Variants in ETNK2 observed in about 807,000 individuals in gnomAD.
ETNK2 encodes ethanolamine kinase 2.
Under a neutral mutation model 46.2 loss-of-function variants are expected in ETNK2, and 33 were observed. That is an observed-to-expected ratio of 0.71 (90% CI 0.54 to 0.96). The LOEUF is 0.96. Ranked by LOEUF, ETNK2 falls within the 40% of genes least tolerant of loss-of-function variation. The pLI, the probability that ETNK2 is intolerant of heterozygous loss-of-function variation, is 0.00. For missense variants in ETNK2, 445 were observed against 509.7 expected (o/e 0.87, Z 1.22); for synonymous variants, 194 against 209.0 (o/e 0.93, Z 0.62).
At chr1:204,135,655 C>T (rs1051361717) in intron 6 of ETNK2, among the ~76,000 whole-genome samples, 3 of 152,144 alleles carry the variant, frequency 2.0e-5, no homozygotes, top group African/African-American at 4.8e-5. Context: ...TAAGCTAGCA[C>T]ATGTGAATGA....
At position 204,146,730 on chromosome 1, in the gene ETNK2, T is replaced by C. The variant is rs1364081724; in HGVS notation, c.553A>G (p.Ile185Val). Reference sequence around the variant, plus strand: ...TTGGGCAGGCTGCCGTTGGCGTGGATAGTATGAATCTTTGCCATTTCTAAG... The same window carrying C: ...TTGGGCAGGCTGCCGTTGGCGTGGACAGTATGAATCTTTGCCATTTCTAAG... ...IALEMAKIHTIHANGSLPKPI... is the reference protein window; with the variant it reads ...IALEMAKIHTVHANGSLPKPI... The change falls in exon 3 of 8, where the codon ATC becomes GTC. Residue 185 changes from isoleucine (I) to valine (V), a missense_variant. By Grantham distance (29) the Ile-to-Val change is conservative (BLOSUM62 3). Coordinates refer to ENST00000367202, the MANE Select transcript of ETNK2 (RefSeq NM_018208.4). 6.2e-7 allele frequency: 1 copy of C among 1,614,018 alleles called. No individual in the cohort carries two copies. Among genetic ancestry groups the C allele is most frequent in the Admixed American group, 1.7e-5 (1 of 60,030 alleles).
chr1:204,147,350 G>A (rs1657828953), intron 2 of ETNK2: 2 of 481,896 alleles, frequency 4.2e-6, no homozygotes, highest in Non-Finnish European at 8.5e-6. Context: ...CGCAAAACAA[G>A]CCAGCGTTCT....
chr1:204,137,180 A>T lies in ETNK2; in HGVS notation c.938T>A (p.Leu313Gln). The change falls in exon 6 of 8, where the codon CTG becomes CAG. Residue 313 changes from leucine to glutamine, a missense_variant. Coordinates refer to ENST00000367202, the MANE Select transcript of ETNK2 (RefSeq NM_018208.4). ...CACGGCCATCCCCTTTTGTGCCTGC[A>T]GGTAGTAGTGCAGCCACTGCAGCTG... ...ETQLQWLHYY[L>Q]QAQKGMAVTP... 1 of 1,613,922 alleles carries T rather than the reference A, an allele frequency of 6.2e-7. No individual in the cohort carries two copies.
intron 3 of ETNK2, among the ~76,000 whole-genome samples, chr1:204,143,480 C>T (rs1161313783): frequency 2.0e-5 from 3 of 151,132 alleles, no homozygotes; most frequent in East Asian, 2.0e-4. Flanking sequence ...CTTGAAACAT[C>T]GCCAGCTTTG....
intron 6 of ETNK2, among the ~76,000 whole-genome samples, chr1:204,135,610 TTTA>T (rs1303789221): frequency 6.6e-6 from 1 of 151,992 alleles, no homozygotes; most frequent in African/African-American, 2.4e-5. Flanking sequence ...CTCCCTCCAC[TTTA>T]TTTCCTTTCC....
intron 2 of ETNK2, among the ~76,000 whole-genome samples, chr1:204,148,291 A>G (rs1657871226): frequency 6.6e-6 from 1 of 152,052 alleles, no homozygotes; most frequent in African/African-American, 2.4e-5. Flanking sequence ...TCCACCTTCA[A>G]TCTTCCTGAC....
In ETNK2 at chr1:204,131,964, G is replaced by A. The variant is rs1657088960; in HGVS notation, c.*220C>T. On this transcript the variant is annotated 3_prime_UTR_variant, in exon 8 of 8. Transcript: ENST00000367202. The surrounding 1 kb of genome is among the most constrained non-coding windows in gnomAD (Gnocchi z 4.3). ...TCCTCCCAAGCCTGGTGGGGTGAAG[G>A]GGACCCCCGGAAGGGGGTCCTATCA... 1.8e-6 allele frequency: 1 copy of A among 569,596 alleles called. No individual in the cohort carries two copies. Among genetic ancestry groups the A allele is most frequent in the Non-Finnish European group, 3.1e-6 (1 of 317,994 alleles). The allele number at this position is 569,596 out of a possible 1,614,324, so 35.3% of individuals were successfully genotyped here.
intron 3 of ETNK2, 46 bp downstream of exon 3, chr1:204,146,596 G>C (rs1657790937): frequency 3.7e-6 from 6 of 1,610,352 alleles, no homozygotes; most frequent in Non-Finnish European, 5.1e-6. Flanking sequence ...GGATGGGGAA[G>C]GGAGATCATA....
At chr1:204,136,266 C>G (rs1024528887) in intron 6 of ETNK2, among the ~76,000 whole-genome samples, 1 of 151,806 alleles carries the variant, frequency 6.6e-6, no homozygotes, top group African/African-American at 2.4e-5. Context: ...GGCATGGTGG[C>G]ACACCTGTAA....
intron 4 of ETNK2, chr1:204,140,894 C>T: frequency 3.1e-6 from 1 of 325,870 alleles, no homozygotes; most frequent in Admixed American, 4.3e-5. Context: ...TCCATCATGG[C>T]TCACTGCAGC....
intron 6 of ETNK2, chr1:204,134,834 A>C (rs1657221317): frequency 1.2e-6 from 1 of 813,094 alleles, no homozygotes; most frequent in Non-Finnish European, 1.9e-6. Context: ...AATGTTTACC[A>C]ACCCTAAGGC....
Position 204,140,060 on chromosome 1 carries a change from A to G in ETNK2, c.843T>C (p.Ile281=), listed in dbSNP as rs1657441677. 1 of 1,613,882 alleles carries G rather than the reference A, an allele frequency of 6.2e-7. No individual in the cohort carries two copies. The highest frequency in any genetic ancestry group is 8.5e-7 in the Non-Finnish European group (1 of 1,179,886). ...CTGCAAACTCATTGAAATGGTTGCC[A>G]ATGTCAAAAGCTTGGTAGTTGTAGC... ...YAGYNYQAFD[I]GNHFNEFAGV... Residue 281 remains isoleucine (I), a synonymous_variant, in exon 5 of 8, where the codon ATT becomes ATC. Transcript: ENST00000367202.
rs1658014252 is a variant in ETNK2 at position 204,151,752 on chromosome 1, G to T, written c.101C>A (p.Ala34Glu). 6.5e-7 allele frequency: 1 copy of T among 1,526,774 alleles called. No homozygotes were observed. Among genetic ancestry groups the T allele is most frequent in the East Asian group, 2.5e-5 (1 of 40,512 alleles). 94.6% of individuals were successfully genotyped at this position (1,526,774 alleles called of 1,614,324 possible). Residue 34 changes from alanine to glutamate, a missense_variant, in exon 1 of 8, where the codon GCG becomes GAG. Transcript: ENST00000367202. The surrounding 1 kb of genome is among the most constrained non-coding windows in gnomAD (Gnocchi z 8.0). Reference sequence around the variant, plus strand: ...CGGCTCCCGGCAGCTGGCGCTGGCCGCCGCCTTCTCCTCCATGCCCCATGA... The same window carrying T: ...CGGCTCCCGGCAGCTGGCGCTGGCCTCCGCCTTCTCCTCCATGCCCCATGA... Reference protein sequence around the residue: ...QCSWGMEEKAAASASCREPPG... With the variant: ...QCSWGMEEKAEASASCREPPG...
intron 5 of ETNK2, among the ~76,000 whole-genome samples, chr1:204,138,394 T>A (rs149793022): frequency 2.0e-5 from 3 of 152,348 alleles, no homozygotes; most frequent in African/African-American, 7.2e-5. Flanking sequence ...TGGATTTTGC[T>A]CTGTGCTGTG....
intron 6 of ETNK2, chr1:204,134,814 C>T (rs552368903): frequency 1.0e-6 from 1 of 991,828 alleles, no homozygotes; most frequent in African/African-American, 1.6e-5. Context: ...GCTAGTTCTA[C>T]CGAGGCCCTA....
intron 5 of ETNK2, 70 bp from the exon 6 acceptor site, chr1:204,137,319 G>C: frequency 6.5e-7 from 1 of 1,544,340 alleles, no homozygotes. Context: ...AAGCTCAGTA[G>C]GTGTTCCCAT....
At chr1:204,137,083 C>T (rs1367254879) in intron 6 of ETNK2, 21 bp downstream of exon 6, 7 of 1,612,136 alleles carry the variant, frequency 4.3e-6, no homozygotes, top group East Asian at 2.2e-5. Context: ...CCTGCCCCAG[C>T]CCTAGAAATA....
chr1:204,150,769 T>C (rs1267572399), intron 1 of ETNK2, among the ~76,000 whole-genome samples: 1 of 152,176 alleles, frequency 6.6e-6, no homozygotes, highest in Non-Finnish European at 1.5e-5. Flanking sequence ...TTGAAAACGC[T>C]ACTCCATCCC....
At chr1:204,149,992 G>A in intron 1 of ETNK2, 30 bp from the exon 2 acceptor site, 3 of 920,674 alleles carry the variant, frequency 3.3e-6, no homozygotes, top group Non-Finnish European at 3.3e-6. Context: ...GTGCGTGGGT[G>A]GGTGGGTGGG....
Sources: gnomAD v4.1 joint callset for allele counts (sites outside exome capture counted in the v4.1 genomes callset) on GRCh38, gnomAD v4.1.1 for gene constraint, Gnocchi (gnomAD v3.1) non-coding constraint, MANE v1.5 for transcripts, NCBI Gene and HGNC (gene_info 2026-07-23, HGNC 2026-07-21) for gene names.